The following SOX6 variants were observed in gnomAD, a reference collection of about 807,000 sequenced individuals.
SOX6 encodes the protein SRY-box transcription factor 6.
Under a neutral mutation model 97.8 loss-of-function variants are expected in SOX6, and 11 were observed. The ratio of observed to expected loss-of-function variants is 0.11; its 90% CI spans 0.07 to 0.19. The LOEUF is 0.19. SOX6 is among the 10% of genes least tolerant of loss of function. The probability of loss-of-function intolerance (pLI) is 1.00; values close to 1 mark genes in which losing one functional copy is unlikely to be tolerated. For synonymous variants in SOX6, 360 were observed against 371.4 expected (o/e 0.97, Z 0.35); for missense variants, 810 against 1,039.5 (o/e 0.78, Z 3.04).
rs369882029 is a variant in SOX6, at chr11:16,349,715, A to AGGAAGGAAGGAAGGAG, written c.-5+6378_-5+6379insCTCCTTCCTTCCTTCC. Among the ~76,000 whole-genome samples, 18 of 41,758 alleles carry AGGAAGGAAGGAAGGAG rather than the reference A, an allele frequency of 4.3e-4. 1 individual carries two copies. Among genetic ancestry groups the AGGAAGGAAGGAAGGAG allele is most frequent in the East Asian group, 2.9e-3 (3 of 1,038 alleles). 27.4% of individuals were successfully genotyped at this position (41,758 alleles called of 152,430 possible). ...AAGGAAGGAAGGAAGGAAGGAAGGA[A>AGGAAGGAAGGAAGGAG]GAAGGAAGGAAGGAAGGAAGGAAGG... On this transcript the variant is annotated intron_variant, in intron 1 of 15. Coordinates refer to ENST00000683767, the MANE Select transcript of SOX6 (RefSeq NM_001367873.1).
intron 15 of SOX6, among the ~76,000 whole-genome samples, chr11:15,974,378 CTTTTTTT>C (rs35597667): frequency 1.6e-4 from 14 of 85,684 alleles, no homozygotes; most frequent in African/African-American, 5.0e-4. Context: ...TTAGCTCTCT[CTTTTTTT>C]TTTTTTTTTT....
At chr11:16,437,095 A>T (rs901414894) in intron 1 of SOX6, among the ~76,000 whole-genome samples, 4 of 121,636 alleles carry the variant, frequency 3.3e-5, no homozygotes, top group Non-Finnish European at 6.7e-5. Context: ...CATCTTTACA[A>T]GAAATTAAAA....
rs79689521 is a variant in SOX6 at position 16,437,410 on chromosome 11, C to T, written c.-5+38905G>A. The stretch of plus-strand genomic sequence containing the variant: ...ATACCCAACCCCACTAGATTGTGAG[C>T]TCCATGACAGCAGAGATGTTTTATA... On this transcript the variant is annotated intron_variant, in intron 1 of 15. Transcript: ENST00000396356. Among the ~76,000 whole-genome samples the T allele has an allele frequency of 8.7e-3, 1,327 of 152,186 alleles. 29 individuals carry two copies. The highest frequency in any genetic ancestry group is 0.04 in the Admixed American group (609 of 15,282).
At chr11:16,156,427 T>C (rs1850598944) in intron 6 of SOX6, among the ~76,000 whole-genome samples, 1 of 152,052 alleles carries the variant, frequency 6.6e-6, no homozygotes, top group Admixed American at 6.6e-5. Flanking sequence ...GCAAACTCAT[T>C]ATTATCCACC....
chr11:16,433,985 T>C (rs753628329), intron 1 of SOX6, among the ~76,000 whole-genome samples: 19 of 152,098 alleles, frequency 1.2e-4, no homozygotes, highest in Non-Finnish European at 2.2e-4. Flanking sequence ...TGTACCCTTC[T>C]AGTCTTAGGC....
intron 2 of SOX6, among the ~76,000 whole-genome samples, chr11:16,319,561 G>A (rs61883187): frequency 0.15 from 22,554 of 146,348 alleles, 1,864 homozygotes; most frequent in Middle Eastern, 0.22. Context: ...TTGTGTCCAA[G>A]TGTTCCCACC....
At chr11:16,098,357 G>A (rs1473344595) in intron 7 of SOX6, among the ~76,000 whole-genome samples, 1 of 151,760 alleles carries the variant, frequency 6.6e-6, no homozygotes, top group Admixed American at 6.6e-5. Flanking sequence ...TTTTAATGAT[G>A]CTTTGATTAA....
At chr11:16,298,057 G>A (rs1345060928) in intron 3 of SOX6, among the ~76,000 whole-genome samples, 2 of 152,070 alleles carry the variant, frequency 1.3e-5, no homozygotes, top group Non-Finnish European at 2.9e-5. Context: ...GTCAATTATA[G>A]TCTTAAAGGG....
chr11:16,257,605 T>C (rs553248017), intron 3 of SOX6, among the ~76,000 whole-genome samples: 15 of 152,018 alleles, frequency 9.9e-5, no homozygotes, highest in African/African-American at 3.6e-4. Flanking sequence ...AAAAAATTTC[T>C]AGAGATAACA....
chr11:16,499,260 C>T (rs986779277), intron 4 of SOX6, among the ~76,000 whole-genome samples: 20 of 152,130 alleles, frequency 1.3e-4, no homozygotes, highest in African/African-American at 2.9e-4. Flanking sequence ...TTGAAACCAA[C>T]GAGAACAAAG....
chr11:16,701,031 A>C (rs1407016663), intron 3 of SOX6, among the ~76,000 whole-genome samples: 1 of 152,196 alleles, frequency 6.6e-6, no homozygotes, highest in Non-Finnish European at 1.5e-5. Flanking sequence ...TCCCATCATA[A>C]AACAGTCCAT....
chr11:16,072,773 A>T (rs1848256290), intron 9 of SOX6, among the ~76,000 whole-genome samples: 1 of 152,198 alleles, frequency 6.6e-6, no homozygotes. Flanking sequence ...ACAAGCCATA[A>T]GAGATTGGGG....
upstream of SOX6, among the ~76,000 whole-genome samples, chr11:16,360,848 A>G (rs940319489): frequency 1.7e-4 from 26 of 152,040 alleles, no homozygotes; most frequent in African/African-American, 5.8e-4. Flanking sequence ...CTAAAAATAC[A>G]AAAAGTTGGC....
chr11:16,516,807 A>T (rs1031110953), intron 4 of SOX6, among the ~76,000 whole-genome samples: 2 of 151,322 alleles, frequency 1.3e-5, no homozygotes, highest in African/African-American at 4.9e-5. Context: ...AAAAAGAGGG[A>T]ATCCTCCCTA....
chr11:16,366,301 T>C (rs756630030), intron 1 of SOX6, among the ~76,000 whole-genome samples: 1 of 152,144 alleles, frequency 6.6e-6, no homozygotes, highest in Non-Finnish European at 1.5e-5. Context: ...CTTCCTATTC[T>C]TCCTGCATCC....
chr11:16,533,893 A>T (rs983021060), intron 4 of SOX6, among the ~76,000 whole-genome samples: 1 of 152,142 alleles, frequency 6.6e-6, no homozygotes, highest in Non-Finnish European at 1.5e-5. Flanking sequence ...GATAATTTTG[A>T]TGATCAGTTT....
At position 16,690,563 on chromosome 11, in the gene SOX6, A is replaced by C. The variant is rs115471448; in HGVS notation, n.429+24267T>G. On this transcript the variant is annotated intron_variant and non_coding_transcript_variant, in intron 3 of 5. Transcript: ENST00000524520. ...GAATTGTCAAAAAGGAAAACTTTCT[A>C]TAACATTTCAAAATAGTACCCCACT... is the stretch of plus-strand genomic sequence containing the variant. Among the ~76,000 whole-genome samples the C allele has an allele frequency of 4.6e-3, 703 of 152,370 alleles. 6 individuals carry two copies. Among genetic ancestry groups the C allele is most frequent in the African/African-American group, 0.016 (679 of 41,590 alleles).
intron 4 of SOX6, among the ~76,000 whole-genome samples, chr11:16,517,531 A>C (rs1231764296): frequency 6.6e-6 from 1 of 152,194 alleles, no homozygotes; most frequent in Non-Finnish European, 1.5e-5. Flanking sequence ...AACCACTCAA[A>C]ATAGTACTTT....
At chr11:16,566,095 C>CAAAA (rs67916329) in intron 4 of SOX6, among the ~76,000 whole-genome samples, 2 of 98,808 alleles carry the variant, frequency 2.0e-5, no homozygotes, top group African/African-American at 7.1e-5. Context: ...GACTCCGTCT[C>CAAAA]AAAAAAAAAA....
Sources: allele counts gnomAD v4.1 joint callset (sites outside exome capture counted in the v4.1 genomes callset), GRCh38; gene constraint gnomAD v4.1.1; transcripts MANE v1.5; gene names NCBI Gene and HGNC (gene_info 2026-07-23, HGNC 2026-07-21).